Variants in DCLK1 observed in about 807,000 individuals in gnomAD.
The protein encoded by DCLK1 is serine/threonine-protein kinase DCLK1.
A neutral mutation model predicts 86.2 loss-of-function variants in DCLK1; 16 were observed. The observed-to-expected ratio is 0.19, with a 90% CI of 0.13 to 0.28. The LOEUF is 0.28. DCLK1 is among the 10% of genes least tolerant of loss of function. The pLI, the probability that DCLK1 is intolerant of heterozygous loss-of-function variation, is 1.00. For missense variants in DCLK1, 590 were observed against 940.2 expected (o/e 0.63, Z 4.87); for synonymous variants, 369 against 370.5 (o/e 1.00, Z 0.05).
intron 6 of DCLK1, chr13:35,847,857 T>G: frequency 1.0e-6 from 1 of 985,324 alleles, no homozygotes; most frequent in Non-Finnish European, 1.2e-6. Context: ...CTTCTTAAAA[T>G]TCTATGGCAG....
Position 35,841,009 on chromosome 13 carries a change from A to G in DCLK1, c.1036-1833T>C, listed in dbSNP as rs1189208701. Among the ~76,000 whole-genome samples, 3 of 152,342 alleles carry G rather than the reference A, an allele frequency of 2.0e-5. No individual in the cohort carries two copies. The East Asian group carries it at 5.8e-4, about 29-fold the overall frequency. ...CTGGGTCATTGTTTTTGCTGCAGAC[A>G]TAATGGTGTTCCAAACAGAAAAGCA... is the stretch of plus-strand genomic sequence containing the variant. On this transcript the variant is annotated intron_variant, in intron 6 of 16. Coordinates refer to ENST00000360631, the MANE Select transcript of DCLK1 (RefSeq NM_001330071.2).
chr13:35,839,230 T>C, intron 6 of DCLK1, 54 bp from the exon 7 acceptor site: 2 of 1,474,852 alleles, frequency 1.4e-6, no homozygotes, highest in Non-Finnish European at 1.9e-6. Flanking sequence ...TGCCTGAGTT[T>C]CCAGGGACCA....
intron 5 of DCLK1, chr13:35,855,449 AT>A: frequency 6.6e-7 from 1 of 1,506,686 alleles, no homozygotes; most frequent in Non-Finnish European, 9.1e-7. Context: ...AGACACATAG[AT>A]TCTTGAGGGT....
chr13:35,784,655 A>T (rs1028802494), intron 16 of DCLK1, among the ~76,000 whole-genome samples: 1 of 152,142 alleles, frequency 6.6e-6, no homozygotes, highest in African/African-American at 2.4e-5. Flanking sequence ...GATGTGTTAA[A>T]CTGAATCCCC....
chr13:36,040,353 G>GGGTATTCCTATGGA (rs1882655494), intron 3 of DCLK1, among the ~76,000 whole-genome samples: 1 of 133,596 alleles, frequency 7.5e-6, no homozygotes, highest in Non-Finnish European at 1.6e-5. Context: ...GAGATTTGCA[G>GGGTATTCCTATGGA]GGTATTCCTC....
At chr13:35,971,621 G>A (rs528825971) in intron 3 of DCLK1, among the ~76,000 whole-genome samples, 2 of 152,218 alleles carry the variant, frequency 1.3e-5, no homozygotes, top group South Asian at 4.2e-4. Context: ...AAATTAGCCA[G>A]GCATGGTGAT....
At chr13:36,129,498 C>T (rs536555348) in intron 1 of DCLK1, among the ~76,000 whole-genome samples, 2 of 152,316 alleles carry the variant, frequency 1.3e-5, no homozygotes, top group East Asian at 3.9e-4. Flanking sequence ...AAGGCTACAG[C>T]TACCTCTAAA....
intron 3 of DCLK1, among the ~76,000 whole-genome samples, chr13:36,110,019 T>C (rs1885551959): frequency 6.6e-6 from 1 of 152,218 alleles, no homozygotes; most frequent in Admixed American, 6.5e-5. Context: ...ACTCCCAAAA[T>C]TCTGAAGTGC....
At chr13:35,930,615 C>G (rs1018037416) in intron 4 of DCLK1, among the ~76,000 whole-genome samples, 2 of 150,540 alleles carry the variant, frequency 1.3e-5, no homozygotes, top group Non-Finnish European at 2.9e-5. Context: ...AACAAACAAA[C>G]AAAAACAAAC....
intron 3 of DCLK1, among the ~76,000 whole-genome samples, chr13:36,040,997 T>A (rs184112266): frequency 1.0e-3 from 156 of 152,196 alleles, no homozygotes; most frequent in Admixed American, 1.8e-3. Flanking sequence ...TTCAGGCTGA[T>A]CAGTATATTT....
chr13:36,078,022 C>A (rs1473145271), intron 3 of DCLK1, among the ~76,000 whole-genome samples: 1 of 152,130 alleles, frequency 6.6e-6, no homozygotes, highest in Non-Finnish European at 1.5e-5. Context: ...ATGTTAAAAT[C>A]TAATACCCAA....
chr13:35,864,720 A>C (rs1287058734), intron 5 of DCLK1, among the ~76,000 whole-genome samples: 1 of 145,122 alleles, frequency 6.9e-6, no homozygotes, highest in Non-Finnish European at 1.5e-5. Context: ...TGGTGTGATC[A>C]TGGCTGACTT....
intron 3 of DCLK1, among the ~76,000 whole-genome samples, chr13:36,058,310 A>C (rs1358067333): frequency 2.6e-5 from 4 of 152,228 alleles, no homozygotes; most frequent in Admixed American, 1.3e-4. Flanking sequence ...TGATGGACTG[A>C]GAAAGGGAAC....
At chr13:35,954,521 T>C (rs1259018134) in intron 3 of DCLK1, among the ~76,000 whole-genome samples, 4 of 152,204 alleles carry the variant, frequency 2.6e-5, no homozygotes, top group Admixed American at 1.3e-4. Flanking sequence ...TTCTAAAATA[T>C]GTTTACAATC....
intron 8 of DCLK1, among the ~76,000 whole-genome samples, chr13:35,829,864 G>A (rs554084540): frequency 6.6e-6 from 1 of 152,284 alleles, no homozygotes; most frequent in South Asian, 2.1e-4. Flanking sequence ...ACTCAGGAAG[G>A]GAATGCACTA....
At chr13:35,841,690 T>C (rs1820252457) in intron 6 of DCLK1, among the ~76,000 whole-genome samples, 1 of 152,226 alleles carries the variant, frequency 6.6e-6, no homozygotes, top group South Asian at 2.1e-4. Context: ...GAGAAAAACG[T>C]ACTTACGGTC....
chr13:36,005,731 C>T (rs764680381), intron 3 of DCLK1, among the ~76,000 whole-genome samples: 6 of 152,138 alleles, frequency 3.9e-5, no homozygotes, highest in Non-Finnish European at 5.9e-5. Flanking sequence ...GGATTAGCAG[C>T]ACTATTTCCA....
chr13:36,091,415 G>A (rs1480447053), intron 3 of DCLK1, among the ~76,000 whole-genome samples: 1 of 152,162 alleles, frequency 6.6e-6, no homozygotes, highest in East Asian at 1.9e-4. Context: ...CTTCTGGGCT[G>A]TACTCTGAGT....
intron 3 of DCLK1, among the ~76,000 whole-genome samples, chr13:36,081,627 C>T (rs1037605427): frequency 3.3e-5 from 5 of 152,178 alleles, no homozygotes; most frequent in South Asian, 4.1e-4. Flanking sequence ...ACCTGTGTCA[C>T]GTAGAAAGGA....
Sources: allele counts gnomAD v4.1 joint callset (sites outside exome capture counted in the v4.1 genomes callset), GRCh38; gene constraint gnomAD v4.1.1; transcripts MANE v1.5; gene names NCBI Gene and HGNC (gene_info 2026-07-23, HGNC 2026-07-21).